MORC1: variants seen among roughly 807,000 people sequenced by gnomAD.
MORC1 encodes the protein MORC family CW-type zinc finger 1, also known as MORC family CW-type zinc finger protein 1.
A neutral mutation model predicts 134.9 loss-of-function variants in MORC1; 59 were observed. The ratio of observed to expected loss-of-function variants is 0.44; its 90% CI spans 0.35 to 0.54. The LOEUF (loss-of-function observed/expected upper bound fraction) is 0.54, where lower values mean the gene tolerates loss of function less well. MORC1 is among the 20% of genes least tolerant of loss of function. The pLI is 0.00. For synonymous variants in MORC1, 395 were observed against 391.7 expected, an observed-to-expected ratio of 1.01 and a Z score of -0.10; for missense variants, 947 against 1,134.5, an observed-to-expected ratio of 0.83 and a Z score of 2.37.
intron 15 of MORC1, among the ~76,000 whole-genome samples, chr3:109,033,286 GAGGA>G (rs55742240): frequency 0.08 from 10,999 of 136,754 alleles, 621 homozygotes; most frequent in African/African-American, 0.16. Flanking sequence ...AGCAAGAAAG[GAGGA>G]AGGAAGGAAG....
At chr3:108,959,963 G>C (rs1273896622) in intron 27 of MORC1, among the ~76,000 whole-genome samples, 4 of 152,148 alleles carry the variant, frequency 2.6e-5, no homozygotes, top group African/African-American at 9.6e-5. Flanking sequence ...AAAGTTTATG[G>C]GGACAATGTC....
At chr3:108,996,280 G>GTGCA (rs970349965) in intron 21 of MORC1, among the ~76,000 whole-genome samples, 6 of 50,518 alleles carry the variant, frequency 1.2e-4, no homozygotes, top group African/African-American at 2.5e-4. Context: ...GTGCGTGCGC[G>GTGCA]CGCGCGCACA....
Position 109,118,128 on chromosome 3 carries a change from C to G in MORC1, c.-69G>C, listed in dbSNP as rs527436539. The G allele has an allele frequency of 3.2e-6, 5 of 1,542,024 alleles. No individual in the cohort carries two copies. Among genetic ancestry groups the G allele is most frequent in the Admixed American group, 1.9e-5 (1 of 52,596 alleles). ...TGACCGGCAGCCGTTCGCCTGCGCC[C>G]GCGCCCACTCCCACGCCCACGCTCA... On this transcript the variant is annotated 5_prime_UTR_variant, in exon 1 of 28. Coordinates refer to ENST00000232603, the MANE Select transcript of MORC1 (RefSeq NM_014429.4).
intron 6 of MORC1, among the ~76,000 whole-genome samples, chr3:109,097,205 G>A (rs576945455): frequency 1.2e-4 from 19 of 152,196 alleles, no homozygotes; most frequent in South Asian, 6.2e-4. Context: ...AACAAAAAAC[G>A]AATGGGTCAC....
intron 4 of MORC1, among the ~76,000 whole-genome samples, chr3:109,101,259 C>T (rs1011609716): frequency 3.3e-5 from 5 of 152,178 alleles, no homozygotes; most frequent in African/African-American, 4.8e-5. Context: ...AATTTCCCCA[C>T]GAATTTAGCC....
At chr3:109,033,286 G>GAGGAAGGAAGGAAGGAAGGA (rs55742240) in intron 15 of MORC1, among the ~76,000 whole-genome samples, 157 of 137,004 alleles carry the variant, frequency 1.1e-3, no homozygotes, top group Non-Finnish European at 1.5e-3. Context: ...AGCAAGAAAG[G>GAGGAAGGAAGGAAGGAAGGA]AGGAAGGAAG....
intron 13 of MORC1, among the ~76,000 whole-genome samples, chr3:109,056,552 CT>C (rs1244046789): frequency 6.6e-6 from 1 of 152,170 alleles, no homozygotes; most frequent in Non-Finnish European, 1.5e-5. Flanking sequence ...TAAGATCATT[CT>C]TGTTATTTTC....
intron 17 of MORC1, among the ~76,000 whole-genome samples, chr3:109,009,197 G>GTTTTTTTTTTTTTT (rs201228015): frequency 7.5e-6 from 1 of 133,810 alleles, no homozygotes; most frequent in African/African-American, 2.8e-5. Context: ...CTATTTTTAC[G>GTTTTTTTTTTTTTT]TTTTTTGTTG....
intron 27 of MORC1, 69 bp from the exon 28 acceptor site, chr3:108,959,189 C>A: frequency 2.2e-6 from 3 of 1,370,568 alleles, no homozygotes; most frequent in East Asian, 2.6e-5. Flanking sequence ...ATTTGGGCAG[C>A]CTCCTAACAG....
chr3:109,059,052 C>T (rs940902197), intron 12 of MORC1, among the ~76,000 whole-genome samples: 3 of 152,044 alleles, frequency 2.0e-5, no homozygotes, highest in African/African-American at 7.2e-5. Flanking sequence ...GCATAAGTAA[C>T]ATTTCACATT....
Position 109,001,261 on chromosome 3 carries a change from C to T in MORC1, c.2086-603G>A, listed in dbSNP as rs146352710. ...AATTATCCTACCTCAGTCTCTAGAACAGCTGAGATTACAGGTGCCCACCAC... is the reference window on the plus strand; with the variant it reads ...AATTATCCTACCTCAGTCTCTAGAATAGCTGAGATTACAGGTGCCCACCAC... On this transcript the variant is annotated intron_variant, in intron 20 of 27. Coordinates refer to ENST00000232603, the MANE Select transcript of MORC1 (RefSeq NM_014429.4). Among the ~76,000 whole-genome samples the T allele has an allele frequency of 3.7e-4, 56 of 152,196 alleles. 2 individuals are homozygous for T. In the East Asian group the frequency reaches 0.01, roughly 28 times the overall value.
intron 21 of MORC1, among the ~76,000 whole-genome samples, chr3:108,991,945 C>T (rs1040242396): frequency 1.3e-5 from 2 of 152,130 alleles, no homozygotes; most frequent in Admixed American, 6.5e-5. Flanking sequence ...TTCTATACTA[C>T]GATTTTCAGG....
chr3:108,972,092 A>C (rs898770280), intron 24 of MORC1, among the ~76,000 whole-genome samples: 1 of 152,218 alleles, frequency 6.6e-6, no homozygotes, highest in Admixed American at 6.5e-5. Flanking sequence ...TACTCTTAGA[A>C]ATCATACATG....
At chr3:108,972,184 T>C (rs1367186592) in intron 24 of MORC1, among the ~76,000 whole-genome samples, 1 of 152,202 alleles carries the variant, frequency 6.6e-6, no homozygotes, top group Non-Finnish European at 1.5e-5. Flanking sequence ...CCCATCCTTC[T>C]ACTGTGACAG....
intron 14 of MORC1, among the ~76,000 whole-genome samples, chr3:109,041,446 T>C (rs1253145193): frequency 6.6e-6 from 1 of 152,004 alleles, no homozygotes; most frequent in African/African-American, 2.4e-5. Flanking sequence ...GCACAGTGGC[T>C]CACACCTGTA....
At chr3:109,001,712 C>A (rs890927324) in intron 20 of MORC1, among the ~76,000 whole-genome samples, 4 of 152,194 alleles carry the variant, frequency 2.6e-5, no homozygotes, top group Non-Finnish European at 5.9e-5. Context: ...ATTCCTCAAG[C>A]TTCTGTCTAG....
intron 16 of MORC1, among the ~76,000 whole-genome samples, chr3:109,028,664 T>C (rs777388375): frequency 2.2e-4 from 34 of 152,296 alleles, no homozygotes; most frequent in Non-Finnish European, 4.0e-4. Context: ...TTTGAGGCCA[T>C]TTTTCCTTTT....
At chr3:109,067,672 G>A (rs1479506239) in intron 9 of MORC1, among the ~76,000 whole-genome samples, 1 of 152,146 alleles carries the variant, frequency 6.6e-6, no homozygotes, top group Admixed American at 6.6e-5. Context: ...TGAGACTGAT[G>A]AAAAGGAAAC....
intron 13 of MORC1, among the ~76,000 whole-genome samples, chr3:109,056,264 G>C (rs1388844196): frequency 6.6e-6 from 1 of 152,182 alleles, no homozygotes; most frequent in Non-Finnish European, 1.5e-5. Flanking sequence ...GTCTCGCTCT[G>C]TCACCCAGGC....
Sources: allele counts gnomAD v4.1 joint callset (sites outside exome capture counted in the v4.1 genomes callset), GRCh38; gene constraint gnomAD v4.1.1; transcripts MANE v1.5; gene names NCBI Gene and HGNC (gene_info 2026-07-23, HGNC 2026-07-21).